The following LAMA5 variants were observed in gnomAD, a reference collection of about 807,000 sequenced individuals.
LAMA5 encodes laminin subunit alpha-5.
In LAMA5, 260 loss-of-function variants were observed where a neutral mutation model predicts 433.4. The ratio of observed to expected loss-of-function variants is 0.60; its 90% CI spans 0.54 to 0.66. The LOEUF (loss-of-function observed/expected upper bound fraction) is 0.66. LAMA5 is among the 30% of genes least tolerant of loss of function. The pLI, the probability that LAMA5 is intolerant of heterozygous loss-of-function variation, is 0.00. For synonymous variants in LAMA5, 2,620 were observed against 2,226.6 expected (o/e 1.18, Z -4.97); for missense variants, 5,378 against 5,258.5 (o/e 1.02, Z -0.70).
rs944016158 is a variant in LAMA5, at chr20:62,316,259, C to A, written c.7757-201G>T. On this transcript the variant is annotated intron_variant, in intron 57 of 79. Transcript: ENST00000252999. ...CCTCTGTTCCCTGAAGGCCTCTGGTCCCACTGCAGGCATAGCTGTCCCCAT... is the reference window on the plus strand; with the variant it reads ...CCTCTGTTCCCTGAAGGCCTCTGGTACCACTGCAGGCATAGCTGTCCCCAT... 3.2e-5 allele frequency: 19 copies of A among 595,628 alleles called. No individual in the cohort carries two copies. In the South Asian group the frequency reaches 3.6e-4, roughly 11 times the overall value. The allele number at this position is 595,628 out of a possible 1,614,324, so 36.9% of individuals were successfully genotyped here. A position where few individuals can be genotyped will look rare whatever the true frequency, so the allele number is the denominator to read the frequency against.
intron 51 of LAMA5, 153 bp from the exon 52 acceptor site, chr20:62,319,166 G>A (rs975463204): frequency 1.0e-4 from 75 of 722,864 alleles, no homozygotes; most frequent in South Asian, 1.5e-4. Flanking sequence ...AGCACCTGGC[G>A]AAAGGCCACA....
In LAMA5 at chr20:62,324,509, C is replaced by T. The variant is rs779939468; in HGVS notation, c.5575G>A (p.Gly1859Ser). Residue 1859 changes from glycine to serine, a missense_variant, in exon 42 of 80, where the codon GGC (glycine) becomes AGC (serine). Physicochemically the swap from Gly to Ser is moderately conservative, Grantham distance 56 (BLOSUM62 0). Coordinates refer to ENST00000252999, the MANE Select transcript of LAMA5 (RefSeq NM_005560.6). This position sits in a 1 kb window ranked among gnomAD's most constrained non-coding sequence, Gnocchi z 4.4. ...TGGCACTGACAAGGGACACATCGGC[C>T]CAGGAAGAGACCTTTGACGTCCCGA... ...FYRDVKGLFLGRCVPCQCHGH... is the reference protein window; with the variant it reads ...FYRDVKGLFLSRCVPCQCHGH... 2.2e-5 allele frequency: 36 copies of T among 1,612,184 alleles called. No homozygotes were observed. Among genetic ancestry groups the T allele is most frequent in the African/African-American group, 4.0e-5 (3 of 74,878 alleles).
intron 72 of LAMA5, 29 bp downstream of exon 72, chr20:62,311,372 C>A (rs1214931302): frequency 6.5e-7 from 1 of 1,530,744 alleles, no homozygotes; most frequent in South Asian, 1.2e-5. Context: ...GCCACCCCAG[C>A]TCTGCCTGCT....
chr20:62,331,857 G>C (rs1980522011), intron 28 of LAMA5, among the ~76,000 whole-genome samples: 1 of 152,156 alleles, frequency 6.6e-6, no homozygotes, highest in Non-Finnish European at 1.5e-5. Context: ...TTTGAGAATA[G>C]CCTGGCCAAT....
chr20:62,351,625 T>G, intron 6 of LAMA5, 79 bp downstream of exon 6: 1 of 1,406,400 alleles, frequency 7.1e-7, no homozygotes, highest in Non-Finnish European at 9.9e-7. Flanking sequence ...CACCCTCAGG[T>G]TAGGCAGGGG....
chr20:62,355,870 G>C (rs926188777), intron 2 of LAMA5, among the ~76,000 whole-genome samples: 3 of 152,126 alleles, frequency 2.0e-5, no homozygotes, highest in Admixed American at 6.5e-5. Context: ...GGCTGTTCTC[G>C]GGGAGCTGGC....
chr20:62,349,910 C>T (rs1378361184), intron 6 of LAMA5, among the ~76,000 whole-genome samples: 2 of 144,468 alleles, frequency 1.4e-5, no homozygotes, highest in Non-Finnish European at 3.1e-5. Context: ...GGTAAAGAGG[C>T]AGAAAATTGC....
rs768456092 is a variant in LAMA5 at position 62,322,101 on chromosome 20, G to T, written c.6414C>A (p.Ser2138Arg). The T allele has an allele frequency of 7.5e-6, 12 of 1,602,548 alleles. No individual in the cohort carries two copies. In the South Asian group the frequency reaches 1.1e-4, roughly 15 times the overall value. ...GGCTGCAGGTGTCGCAGCGCTCCCCGCTGAGCCCCGGGGGGCAGTTGCAGC... is the reference window on the plus strand; with the variant it reads ...GGCTGCAGGTGTCGCAGCGCTCCCCTCTGAGCCCCGGGGGGCAGTTGCAGC... ...TGRCNCPPGL[S>R]GERCDTCSQQ... The change falls in exon 48 of 80, where the codon AGC (serine) becomes AGA (arginine). Residue 2138 changes from serine to arginine, a missense_variant. Transcript: ENST00000252999.
At chr20:62,352,951 G>A (rs376618356) in intron 3 of LAMA5, 183 bp downstream of exon 3, 34 of 534,284 alleles carry the variant, frequency 6.4e-5, no homozygotes, top group African/African-American at 3.1e-4. Flanking sequence ...TGTGCCCGAC[G>A]CCAGGGACAG....
At position 62,323,562 on chromosome 20, in the gene LAMA5, G is replaced by A. The variant is rs775728976; in HGVS notation, c.5958C>T (p.Pro1986=). ...DPNLLFSDCD[P]LTGACRGCLR... ...GGCAGCCACGGCAGGCGCCCGTCAG[G>A]GGGTCGCAGTCGCTGAAGAGCAAGT... Residue 1986 remains proline (P), a synonymous_variant, in exon 45 of 80, where the codon CCC becomes CCT. Transcript: ENST00000252999. 47 of 1,602,258 alleles carry A rather than the reference G, an allele frequency of 2.9e-5. No homozygotes were observed. In the East Asian group the frequency reaches 1.0e-3, roughly 35 times the overall value.
intron 57 of LAMA5, 122 bp downstream of exon 57, chr20:62,316,549 C>G (rs1601293890): frequency 2.8e-6 from 2 of 721,192 alleles, no homozygotes; most frequent in East Asian, 5.7e-5. Flanking sequence ...AAAGCTCTCC[C>G]ACCCCAAACC....
rs571208099 is a variant in LAMA5, at chr20:62,312,430, G to A, written c.9330C>T (p.Gly3110=). Residue 3110 remains glycine (G), a synonymous_variant, in exon 68 of 80, where the codon GGC becomes GGT. Coordinates refer to ENST00000252999, the MANE Select transcript of LAMA5 (RefSeq NM_005560.6). ...GGTCGGCGGTGCAGCCGGCGCTCAC[G>A]CCTGTCGTGTTCAGCCGCTTGAGGT... is the stretch of plus-strand genomic sequence containing the variant. ...YVDLKRLNTT[G]VSAGCTADLL... 1.7e-5 allele frequency: 27 copies of A among 1,597,944 alleles called. No homozygotes were observed. The highest frequency in any genetic ancestry group is 6.7e-5 in the African/African-American group (5 of 75,026).
Position 62,317,341 on chromosome 20 carries a change from C to T in LAMA5, c.7511+4G>A. The T allele has an allele frequency of 6.2e-7, 1 of 1,603,310 alleles. No homozygotes were observed. The highest frequency in any genetic ancestry group is 8.5e-7 in the Non-Finnish European group (1 of 1,176,808). ...CCAGGGCCCCTCCTCTCCTGGCCAC[C>T]CACCTGGACAGATTGAGTGCCAGCT... On this transcript the variant is annotated splice_donor_region_variant and intron_variant, in intron 55 of 79. Transcript: ENST00000252999.
rs1195895968 is a variant in LAMA5 at position 62,310,434 on chromosome 20, C to T, written c.10585G>A (p.Gly3529Arg). 1.9e-6 allele frequency: 3 copies of T among 1,604,564 alleles called. No homozygotes were observed. The highest frequency in any genetic ancestry group is 1.1e-5 in the South Asian group (1 of 89,776). The change falls in exon 76 of 80, where the codon GGA (glycine) becomes AGA (arginine). Residue 3529 changes from glycine (G) to arginine (R), a missense_variant. By Grantham distance (125) the Gly-to-Arg change is moderately radical. Transcript: ENST00000252999. ...EAGLFFPGSG[G>R]VITLDLPGAT... ...ACCCACAGACCTAAAGTGATAACTC[C>T]CCCGCTGCCTGGGAAGAACAGGCCC...
rs781047569 is a variant in LAMA5 at position 62,322,139 on chromosome 20, G to A, written c.6376C>T (p.Pro2126Ser). Residue 2126 changes from proline (P) to serine (S), a missense_variant, in exon 48 of 80, where the codon CCT (proline) becomes TCT (serine). Pro to Ser is a moderately conservative substitution (Grantham distance 74, BLOSUM62 -1). Transcript: ENST00000252999. ...GGGCAGTTGCAGCGGCCCGTGTGAG[G>A]GTCACAGCGGCCCCCAGGGCACTGG... ...RCQCPGGRCD[P>S]HTGRCNCPPG... The A allele has an allele frequency of 3.1e-6, 5 of 1,600,746 alleles. No homozygotes were observed. Among genetic ancestry groups the A allele is most frequent in the Non-Finnish European group, 4.2e-6 (5 of 1,176,812 alleles).
chr20:62,336,479 C>T (rs377198322), intron 17 of LAMA5, 34 bp from the exon 18 acceptor site: 48 of 1,551,160 alleles, frequency 3.1e-5, no homozygotes, highest in Non-Finnish European at 3.5e-5. Flanking sequence ...TCAGAGCGGG[C>T]GCCCTGCTCT....
intron 41 of LAMA5, 181 bp downstream of exon 41, chr20:62,325,135 G>C (rs113460752): frequency 2.2e-6 from 1 of 449,580 alleles, no homozygotes; most frequent in African/African-American, 4.1e-5. Flanking sequence ...CAGGCAGACA[G>C]GCAGCAGGGG....
chr20:62,317,210 G>A, intron 55 of LAMA5, 135 bp downstream of exon 55: 3 of 1,197,558 alleles, frequency 2.5e-6, no homozygotes, highest in East Asian at 2.7e-5. Context: ...GCTTGCCGTG[G>A]AGCTGAGGAA....
intron 70 of LAMA5, 56 bp from the exon 71 acceptor site, chr20:62,311,840 C>CTGTCTCCTCTG: frequency 6.4e-7 from 1 of 1,552,612 alleles, no homozygotes; most frequent in Non-Finnish European, 8.7e-7. Context: ...ACCCCCACCT[C>CTGTCTCCTCTG]AGAGGAGACA....
Sources: gnomAD v4.1 joint callset for allele counts (sites outside exome capture counted in the v4.1 genomes callset) on GRCh38, gnomAD v4.1.1 for gene constraint, Gnocchi (gnomAD v3.1) non-coding constraint, MANE v1.5 for transcripts, NCBI Gene and HGNC (gene_info 2026-07-23, HGNC 2026-07-21) for gene names.